TBATA: variants seen among roughly 807,000 people sequenced by gnomAD.
TBATA encodes the protein thymus, brain and testes associated, also known as protein TBATA.
TBATA carries 47 observed loss-of-function variants against 38.7 expected under a neutral mutation model. The ratio of observed to expected loss-of-function variants is 1.21; its 90% CI spans 0.96 to 1.55. The LOEUF (loss-of-function observed/expected upper bound fraction) is 1.55. Ranked by LOEUF, TBATA falls within the 40% of genes most tolerant of loss-of-function variation. TBATA has a pLI of 0.00. For synonymous variants in TBATA, 183 were observed against 170.5 expected, an observed-to-expected ratio of 1.07 and a Z score of -0.57; for missense variants, 436 against 435.6, an observed-to-expected ratio of 1.00 and a Z score of -0.01.
At chr10:70,785,119 G>T (rs915331383) in intron 1 of TBATA, among the ~76,000 whole-genome samples, 166 bp downstream of exon 1, 5 of 152,190 alleles carry the variant, frequency 3.3e-5, no homozygotes, top group African/African-American at 1.2e-4. Flanking sequence ...GGACCCCAGT[G>T]TAGTCTGCCC....
chr10:70,776,471 G>A (rs918818280), intron 7 of TBATA: 9 of 451,590 alleles, frequency 2.0e-5, no homozygotes, highest in Admixed American at 7.1e-5. Context: ...GCAGGGCCTC[G>A]GCCTCCCCAT....
chr10:70,772,330 C>T, intron 10 of TBATA, 184 bp downstream of exon 10: 1 of 735,742 alleles, frequency 1.4e-6, no homozygotes. Flanking sequence ...CCCCAGAGTT[C>T]AGCACATTGT....
At chr10:70,774,795 T>C (rs1484018498) in intron 8 of TBATA, among the ~76,000 whole-genome samples, 2 of 152,206 alleles carry the variant, frequency 1.3e-5, no homozygotes, top group African/African-American at 4.8e-5. Flanking sequence ...TATTCCTGTG[T>C]TCATGTGTAT....
intron 9 of TBATA, 111 bp downstream of exon 9, chr10:70,774,102 A>G: frequency 7.0e-7 from 1 of 1,431,934 alleles, no homozygotes; most frequent in Non-Finnish European, 9.4e-7. Flanking sequence ...TCCAGGACAG[A>G]CTTAGTCAGC....
chr10:70,778,857 T>C, intron 5 of TBATA: 1 of 635,872 alleles, frequency 1.6e-6, no homozygotes, highest in Non-Finnish European at 2.9e-6. Flanking sequence ...GGCATTGCTT[T>C]CCTTCTAGCA....
chr10:70,774,411 C>T (rs1843123877), intron 8 of TBATA, 54 bp from the exon 9 acceptor site: 1 of 1,520,032 alleles, frequency 6.6e-7, no homozygotes, highest in Non-Finnish European at 8.9e-7. Context: ...CTTCCTGTCC[C>T]TGTGGCGGGG....
Position 70,772,567 on chromosome 10 carries a change from C to T in TBATA, c.921-1G>A, listed in dbSNP as rs1842897016. On this transcript the variant is annotated splice_acceptor_variant, in intron 9 of 10. Coordinates refer to ENST00000456372, the MANE Select transcript of TBATA (RefSeq NM_001318241.2). LOFTEE classifies it high-confidence loss of function. Reference sequence around the variant, plus strand: ...TATCTTCGTTTTCTTCGGGGATTGACTGTGACCAAATACAAAGAAGGGGCT... The same window carrying T: ...TATCTTCGTTTTCTTCGGGGATTGATTGTGACCAAATACAAAGAAGGGGCT... 6.2e-7 allele frequency: 1 copy of T among 1,614,174 alleles called. No individual in the cohort carries two copies. Among genetic ancestry groups the T allele is most frequent in the Non-Finnish European group, 8.5e-7 (1 of 1,180,040 alleles).
chr10:70,772,306 TC>T, intron 10 of TBATA: 1 of 712,214 alleles, frequency 1.4e-6, no homozygotes, highest in Non-Finnish European at 2.6e-6. Flanking sequence ...TTGTCTGAAT[TC>T]TTCCTCACTG....
chr10:70,777,135 G>C lies in TBATA; in HGVS notation c.693+18C>G. On this transcript the variant is annotated intron_variant, in intron 7 of 10. Transcript: ENST00000456372. ...AATGTGGAGAGCCAGGAGCCTGGGA[G>C]CAGAACTGGGCCCTCACCAGCAGCT... 1 of 1,608,858 alleles carries C rather than the reference G, an allele frequency of 6.2e-7. No homozygotes were observed. Among genetic ancestry groups the C allele is most frequent in the African/African-American group, 1.3e-5 (1 of 74,932 alleles).
At chr10:70,783,605 T>C in intron 2 of TBATA, 80 bp from the exon 3 acceptor site, 2 of 500,148 alleles carry the variant, frequency 4.0e-6, no homozygotes, top group South Asian at 4.5e-5. Flanking sequence ...TTCCCAGATA[T>C]AAGAGAAATT....
At chr10:70,780,394 G>A (rs1425892929) in intron 4 of TBATA, among the ~76,000 whole-genome samples, 5 of 151,946 alleles carry the variant, frequency 3.3e-5, no homozygotes, top group African/African-American at 1.2e-4. Flanking sequence ...TTCCCTTTTG[G>A]TGCCAGGACT....
At chr10:70,779,476 CG>C in intron 5 of TBATA, 116 bp downstream of exon 5, 1 of 1,212,356 alleles carries the variant, frequency 8.2e-7, no homozygotes, top group Non-Finnish European at 1.1e-6. Flanking sequence ...GTTCCCCCAA[CG>C]GACCTCACTG....
chr10:70,773,765 C>T (rs1843029676), intron 9 of TBATA, among the ~76,000 whole-genome samples: 1 of 152,228 alleles, frequency 6.6e-6, no homozygotes, highest in Non-Finnish European at 1.5e-5. Flanking sequence ...AGTGGCCTTG[C>T]TGACTCTCAG....
At chr10:70,782,298 C>T in intron 3 of TBATA, 1 of 1,484,948 alleles carries the variant, frequency 6.7e-7, no homozygotes, top group Non-Finnish European at 9.0e-7. Flanking sequence ...TCCCAGCACC[C>T]CAGTTTTTTC....
At chr10:70,782,082 AG>A in intron 3 of TBATA, 46 bp from the exon 4 acceptor site, 1 of 1,589,124 alleles carries the variant, frequency 6.3e-7, no homozygotes. Flanking sequence ...CTCCTCTGGC[AG>A]TGGGCCCACC....
Position 70,778,456 on chromosome 10 carries a change from C to T in TBATA, c.507+101G>A, listed in dbSNP as rs1843701934. ...ACGTTTGTATGAATCAGTCCCCCCA[C>T]CCCACCTCTGGTAGGCTGAACTGAC... On this transcript the variant is annotated intron_variant, in intron 6 of 10. Transcript: ENST00000456372. 6.0e-6 allele frequency: 7 copies of T among 1,173,362 alleles called. No individual in the cohort carries two copies. The Admixed American group carries it at 8.4e-5, about 14-fold the overall frequency. 72.7% of individuals were successfully genotyped at this position (1,173,362 alleles called of 1,614,324 possible).
At chr10:70,775,340 A>T in intron 7 of TBATA, 70 bp from the exon 8 acceptor site, 1 of 1,376,036 alleles carries the variant, frequency 7.3e-7, no homozygotes, top group Non-Finnish European at 1.0e-6. Context: ...GTAGGTTTGG[A>T]GGGCACCAAG....
intron 8 of TBATA, 64 bp from the exon 9 acceptor site, chr10:70,774,421 GC>G: frequency 6.7e-7 from 1 of 1,487,350 alleles, no homozygotes; most frequent in Non-Finnish European, 9.1e-7. Flanking sequence ...CTGTGGCGGG[GC>G]CAGAAGCAGG....
chr10:70,778,208 T>C (rs148505333), intron 6 of TBATA, among the ~76,000 whole-genome samples: 1 of 152,000 alleles, frequency 6.6e-6, no homozygotes, highest in Admixed American at 6.5e-5. Context: ...CTGCCCCCCC[T>C]CACCTTTCCC....
Sources: gnomAD v4.1 joint callset for allele counts (sites outside exome capture counted in the v4.1 genomes callset) on GRCh38, gnomAD v4.1.1 for gene constraint, MANE v1.5 for transcripts, NCBI Gene and HGNC (gene_info 2026-07-23, HGNC 2026-07-21) for gene names.